Variants in CEP63 observed in about 807,000 individuals in gnomAD.
CEP63 encodes the protein centrosomal protein 63, also known as centrosomal protein of 63 kDa.
A neutral mutation model predicts 89.1 loss-of-function variants in CEP63; 84 were observed. That is an observed-to-expected ratio of 0.94 (90% CI 0.79 to 1.13). The LOEUF (loss-of-function observed/expected upper bound fraction) is 1.13. CEP63 is among the 50% of genes most tolerant of loss of function. The probability of loss-of-function intolerance (pLI) is 0.00; values close to 1 mark genes in which losing one functional copy is unlikely to be tolerated. For missense variants in CEP63, 838 were observed against 813.3 expected (o/e 1.03, Z -0.37); for synonymous variants, 267 against 272.5 (o/e 0.98, Z 0.20).
the CEP63 span, among the ~76,000 whole-genome samples, chr3:134,618,260 C>A: frequency 2.6e-3 from 394 of 152,224 alleles, 2 homozygotes; most frequent in Non-Finnish European, 3.1e-3. Context: ...CAGCTGCCGC[C>A]TCTGCAACAC....
chr3:134,687,902 G>C, the CEP63 span, among the ~76,000 whole-genome samples: 2 of 152,296 alleles, frequency 1.3e-5, no homozygotes, highest in Non-Finnish European at 2.9e-5. Context: ...AAATGAAACA[G>C]GAAGACAATA....
chr3:134,726,566 T>A, the CEP63 span, among the ~76,000 whole-genome samples: 2 of 152,040 alleles, frequency 1.3e-5, no homozygotes, highest in South Asian at 4.2e-4. Flanking sequence ...TCTCTCTCCC[T>A]CCTTGCAGCA....
At chr3:134,495,877 C>T (rs553426231) in intron 2 of CEP63, among the ~76,000 whole-genome samples, 2 of 152,324 alleles carry the variant, frequency 1.3e-5, no homozygotes, top group African/African-American at 4.8e-5. Context: ...CCAGTTTTAT[C>T]CATGTTGCTG....
chr3:134,769,070 A>G, the CEP63 span, among the ~76,000 whole-genome samples: 1 of 152,294 alleles, frequency 6.6e-6, no homozygotes, highest in South Asian at 2.1e-4. Context: ...AGAGACTCAC[A>G]AAGTAGAAGC....
At chr3:134,752,364 A>C in the CEP63 span, among the ~76,000 whole-genome samples, 1 of 152,174 alleles carries the variant, frequency 6.6e-6, no homozygotes. Context: ...GAAAGTGTCC[A>C]ACACATATGA....
At chr3:134,682,285 C>G in the CEP63 span, among the ~76,000 whole-genome samples, 1 of 152,156 alleles carries the variant, frequency 6.6e-6, no homozygotes, top group East Asian at 1.9e-4. Flanking sequence ...TCCAGTCACT[C>G]TGGGTACCTT....
the CEP63 span, among the ~76,000 whole-genome samples, chr3:134,759,756 TG>T: frequency 6.6e-6 from 1 of 152,242 alleles, no homozygotes; most frequent in Non-Finnish European, 1.5e-5. Flanking sequence ...ATAGCAATGA[TG>T]ACAATAACTG....
the CEP63 span, chr3:134,607,768 G>A: frequency 0.17 from 170,496 of 985,918 alleles, 15,268 homozygotes; most frequent in African/African-American, 0.28. Context: ...GTCAGCCCAG[G>A]CCAGCCATGG....
chr3:134,683,443 G>T, the CEP63 span, among the ~76,000 whole-genome samples: 32 of 152,156 alleles, frequency 2.1e-4, no homozygotes, highest in African/African-American at 6.7e-4. Flanking sequence ...AGCATGATTT[G>T]GTGTACATTA....
downstream of CEP63, among the ~76,000 whole-genome samples, chr3:134,591,134 C>T (rs1456327745): frequency 6.6e-6 from 1 of 152,182 alleles, no homozygotes; most frequent in African/African-American, 2.4e-5. Flanking sequence ...TACTCTCACC[C>T]TTGATTGAGA....
the CEP63 span, among the ~76,000 whole-genome samples, chr3:134,653,555 G>A: frequency 6.6e-6 from 1 of 152,300 alleles, no homozygotes; most frequent in Admixed American, 6.5e-5. Flanking sequence ...CTTGGCCTGG[G>A]TTGACTTAGC....
chr3:134,718,547 C>G, the CEP63 span, among the ~76,000 whole-genome samples: 2 of 152,132 alleles, frequency 1.3e-5, no homozygotes, highest in Non-Finnish European at 2.9e-5. Context: ...TTGTTCTGCC[C>G]TGTGGGTTAG....
At chr3:134,686,586 C>T in the CEP63 span, among the ~76,000 whole-genome samples, 3 of 152,182 alleles carry the variant, frequency 2.0e-5, no homozygotes, top group African/African-American at 4.8e-5. Flanking sequence ...CTGTCCACAG[C>T]GGACATAAGC....
chr3:134,713,012 C>T, the CEP63 span, among the ~76,000 whole-genome samples: 32 of 152,172 alleles, frequency 2.1e-4, no homozygotes, highest in African/African-American at 7.2e-4. Context: ...TCTGTCTATG[C>T]AACATGAGAG....
the CEP63 span, among the ~76,000 whole-genome samples, chr3:134,627,361 C>A: frequency 4.3e-4 from 66 of 152,318 alleles, no homozygotes; most frequent in African/African-American, 1.5e-3. Flanking sequence ...AGGATTCCAA[C>A]CCAGGCTGTC....
chr3:134,494,714 G>A (rs574593056), intron 1 of CEP63, among the ~76,000 whole-genome samples: 3 of 152,194 alleles, frequency 2.0e-5, no homozygotes, highest in East Asian at 1.9e-4. Context: ...ATGAAAGAAC[G>A]TATTAAGCAC....
chr3:134,685,341 A>G, the CEP63 span, among the ~76,000 whole-genome samples: 1 of 151,974 alleles, frequency 6.6e-6, no homozygotes, highest in Non-Finnish European at 1.5e-5. Context: ...GACCCGTAGC[A>G]TCCAGGTAAG....
intron 12 of CEP63, 137 bp from the exon 13 acceptor site, chr3:134,558,005 G>A (rs1956582342): frequency 1.4e-6 from 1 of 723,092 alleles, no homozygotes; most frequent in Non-Finnish European, 2.4e-6. Flanking sequence ...AGTCTTAGGA[G>A]GCCTAAAAAC....
At chr3:134,635,516 T>C in the CEP63 span, among the ~76,000 whole-genome samples, 4 of 54,160 alleles carry the variant, frequency 7.4e-5, no homozygotes, top group Non-Finnish European at 1.7e-4. Context: ...AAAAAAAAAG[T>C]ACTTCTCAAC....
Sources: allele counts gnomAD v4.1 joint callset (sites outside exome capture counted in the v4.1 genomes callset), GRCh38; gene constraint gnomAD v4.1.1; transcripts MANE v1.5; gene names NCBI Gene and HGNC (gene_info 2026-07-23, HGNC 2026-07-21).